SRP54: variants seen among roughly 807,000 people sequenced by gnomAD.
SRP54 encodes the protein signal recognition particle subunit SRP54.
In SRP54, 10 loss-of-function variants were observed where a neutral mutation model predicts 64.8. That is an observed-to-expected ratio of 0.15 (90% confidence interval 0.10 to 0.26). The LOEUF is 0.26. SRP54 is among the 10% of genes least tolerant of loss of function. The pLI is 1.00. For synonymous variants in SRP54, 193 were observed against 185.6 expected (o/e 1.04, Z -0.32); for missense variants, 325 against 613.7 (o/e 0.53, Z 4.97).
chr14:35,007,418 T>C, intron 5 of SRP54, 31 bp downstream of exon 5: 1 of 1,440,588 alleles, frequency 6.9e-7, no homozygotes, highest in Non-Finnish European at 9.5e-7. Context: ...AAAGAAGTCA[T>C]ATGGAAGATA....
intron 2 of SRP54, among the ~76,000 whole-genome samples, chr14:34,998,653 A>T (rs1404134999): frequency 2.0e-5 from 3 of 151,850 alleles, no homozygotes; most frequent in Non-Finnish European, 4.4e-5. Context: ...CTCTACTAAC[A>T]ATACAAAAAA....
chr14:34,996,905 A>T, intron 2 of SRP54, 118 bp downstream of exon 2: 1 of 703,310 alleles, frequency 1.4e-6, no homozygotes, highest in South Asian at 2.0e-5. Context: ...ATACTTGTAG[A>T]TAAAAGCCTA....
At chr14:35,021,265 C>G (rs1236356532) in intron 13 of SRP54, among the ~76,000 whole-genome samples, 1 of 151,992 alleles carries the variant, frequency 6.6e-6, no homozygotes, top group African/African-American at 2.4e-5. Flanking sequence ...GGTTCTAAAC[C>G]ATGTTAGAAG....
intron 1 of SRP54, among the ~76,000 whole-genome samples, chr14:34,986,219 A>C (rs2043893329): frequency 6.6e-6 from 1 of 152,116 alleles, no homozygotes; most frequent in South Asian, 2.1e-4. Context: ...AATTTGAAAA[A>C]CAATTACTTT....
rs78451752 is a variant in SRP54 at position 35,003,182 on chromosome 14, C to T, written c.255+2162C>T. Among the ~76,000 whole-genome samples the T allele has an allele frequency of 3.4e-3, 521 of 152,214 alleles. 3 individuals are homozygous for T. The highest frequency in any genetic ancestry group is 0.012 in the African/African-American group (497 of 41,542). ...CTGCTGATAGCAGAAATAAATGAGA[C>T]TGGTTCTTATACTCAGATGCTTATG... On this transcript the variant is annotated intron_variant, in intron 4 of 15. Transcript: ENST00000216774.
chr14:35,013,527 T>A, intron 9 of SRP54, 33 bp downstream of exon 9: 1 of 1,595,294 alleles, frequency 6.3e-7, no homozygotes, highest in Non-Finnish European at 8.6e-7. Context: ...TCCTCTGTCT[T>A]GGGATTATAT....
chr14:35,010,637 C>T (rs1017801012), intron 7 of SRP54, among the ~76,000 whole-genome samples: 10 of 150,652 alleles, frequency 6.6e-5, no homozygotes, highest in Middle Eastern at 3.4e-3. Flanking sequence ...TGGTGGCAGG[C>T]GCCTGTAATC....
chr14:35,027,910 A>G (rs2044659484), intron 14 of SRP54, 178 bp from the exon 15 acceptor site: 1 of 389,156 alleles, frequency 2.6e-6, no homozygotes, highest in East Asian at 3.8e-5. Context: ...AATAGTATGT[A>G]ATTGAGAAAA....
At chr14:35,026,885 G>C (rs2139031495) in intron 14 of SRP54, among the ~76,000 whole-genome samples, 1 of 152,296 alleles carries the variant, frequency 6.6e-6, no homozygotes. Flanking sequence ...GGGGGTTGCA[G>C]TGGGCTGAGT....
chr14:35,008,547 A>G lies in SRP54; in HGVS notation c.361-80A>G, dbSNP rs556326431. On this transcript the variant is annotated intron_variant, in intron 5 of 15. Coordinates refer to ENST00000216774, the MANE Select transcript of SRP54 (RefSeq NM_003136.4). ...GTTTTATTTTACTCCTTAGGTAAAT[A>G]ATAAGGAAAAACAGAAAAAATTATA... is the stretch of plus-strand genomic sequence containing the variant. 754 of 954,856 alleles carry G rather than the reference A, an allele frequency of 7.9e-4. 7 individuals are homozygous for G. The highest frequency in any genetic ancestry group is 7.3e-3 in the South Asian group (275 of 37,606). 59.1% of individuals were successfully genotyped at this position (954,856 alleles called of 1,614,324 possible).
intron 13 of SRP54, among the ~76,000 whole-genome samples, chr14:35,020,475 G>A (rs2044511216): frequency 6.6e-6 from 1 of 152,212 alleles, no homozygotes; most frequent in South Asian, 2.1e-4. Flanking sequence ...CAAAATTGGA[G>A]TCAGTTCTGT....
chr14:35,006,748 G>A (rs2044263832), intron 4 of SRP54, among the ~76,000 whole-genome samples: 1 of 152,122 alleles, frequency 6.6e-6, no homozygotes, highest in Non-Finnish European at 1.5e-5. Context: ...AATGCTGTGA[G>A]ATCTTTACCT....
At chr14:35,018,175 T>C (rs1345912528) in intron 11 of SRP54, among the ~76,000 whole-genome samples, 1 of 152,230 alleles carries the variant, frequency 6.6e-6, no homozygotes, top group African/African-American at 2.4e-5. Context: ...TATTTTGATA[T>C]TAATTCATGT....
In SRP54 at chr14:34,983,894, G is replaced by C. The variant is rs187919716; in HGVS notation, c.-34+679G>C. 1.5e-4 allele frequency among the ~76,000 whole-genome samples: 23 copies of C among 152,306 alleles called. 1 individual carries two copies. Among genetic ancestry groups the C allele is most frequent in the Admixed American group, 4.6e-4 (7 of 15,300 alleles). Reference sequence around the variant, plus strand: ...ATGAGAAACACTAGTTGCATATAAAGAGCTGTAGAAAGCTGTGGGAGAGCT... The same window carrying C: ...ATGAGAAACACTAGTTGCATATAAACAGCTGTAGAAAGCTGTGGGAGAGCT... On this transcript the variant is annotated intron_variant, in intron 1 of 15. Coordinates refer to ENST00000216774, the MANE Select transcript of SRP54 (RefSeq NM_003136.4).
chr14:35,029,161 C>T lies in SRP54; in HGVS notation c.*9C>T, dbSNP rs756569067. The T allele has an allele frequency of 6.2e-7, 1 of 1,609,690 alleles. No individual in the cohort carries two copies. Among genetic ancestry groups the T allele is most frequent in the Non-Finnish European group, 8.5e-7 (1 of 1,177,232 alleles). ...GATTCAATAATATGTAAAGAAAATG[C>T]CTTAATATAAACTGACTCAGTTGAA... is the stretch of plus-strand genomic sequence containing the variant. On this transcript the variant is annotated 3_prime_UTR_variant, in exon 16 of 16. Transcript: ENST00000216774.
At chr14:34,987,212 CAGAG>C (rs1358342581) in intron 1 of SRP54, among the ~76,000 whole-genome samples, 4 of 129,518 alleles carry the variant, frequency 3.1e-5, no homozygotes, top group South Asian at 2.5e-4. Flanking sequence ...GCCTGGGTGA[CAGAG>C]AGACACTACA....
intron 13 of SRP54, among the ~76,000 whole-genome samples, chr14:35,022,176 A>G (rs1235803823): frequency 1.3e-5 from 2 of 152,006 alleles, no homozygotes; most frequent in Non-Finnish European, 2.9e-5. Flanking sequence ...TTTTAAATAT[A>G]CCATATACCT....
At chr14:35,009,566 T>C (rs1350614778) in intron 7 of SRP54, among the ~76,000 whole-genome samples, 1 of 152,036 alleles carries the variant, frequency 6.6e-6, no homozygotes, top group African/African-American at 2.4e-5. Flanking sequence ...TGTAGTGAAA[T>C]AGGGATGAGA....
chr14:35,021,256 G>T (rs1026474454), intron 13 of SRP54, among the ~76,000 whole-genome samples: 2 of 152,136 alleles, frequency 1.3e-5, no homozygotes, highest in Non-Finnish European at 2.9e-5. Flanking sequence ...GATAAATGGG[G>T]TTCTAAACCA....
Sources: gnomAD v4.1 joint callset for allele counts (sites outside exome capture counted in the v4.1 genomes callset) on GRCh38, gnomAD v4.1.1 for gene constraint, MANE v1.5 for transcripts, NCBI Gene and HGNC (gene_info 2026-07-23, HGNC 2026-07-21) for gene names.